Variants in COL25A1 observed in about 807,000 individuals in gnomAD.
COL25A1 encodes collagen alpha-1(XXV) chain.
In COL25A1, 103 loss-of-function variants were observed where a neutral mutation model predicts 128.4. The observed-to-expected ratio is 0.80, with a 90% CI of 0.68 to 0.94. COL25A1 has a LOEUF of 0.94. Among genes scored for constraint, COL25A1 ranks in the 40% least tolerant of loss-of-function variants. COL25A1 has a pLI of 0.00. For missense variants in COL25A1, 745 were observed against 840.0 expected (o/e 0.89, Z 1.40); for synonymous variants, 279 against 277.2 (o/e 1.01, Z -0.06).
intron 6 of COL25A1, among the ~76,000 whole-genome samples, chr4:109,006,399 T>G (rs1377956708): frequency 7.1e-6 from 1 of 140,400 alleles, no homozygotes; most frequent in Non-Finnish European, 1.5e-5. Flanking sequence ...TTTTTTTTTT[T>G]TTTTTTTTTT....
intron 3 of COL25A1, among the ~76,000 whole-genome samples, chr4:109,155,940 A>C (rs944713609): frequency 6.6e-6 from 1 of 152,240 alleles, no homozygotes; most frequent in Admixed American, 6.5e-5. Context: ...TTTGGCACAG[A>C]TCCATAAGAA....
chr4:109,070,335 T>C (rs916506971), intron 3 of COL25A1, among the ~76,000 whole-genome samples: 2 of 150,668 alleles, frequency 1.3e-5, no homozygotes, highest in African/African-American at 4.9e-5. Context: ...TTGATAAGTT[T>C]ATTTCATGTG....
At chr4:109,119,046 A>C (rs1767873717) in intron 3 of COL25A1, among the ~76,000 whole-genome samples, 1 of 151,602 alleles carries the variant, frequency 6.6e-6, no homozygotes, top group Admixed American at 6.6e-5. Flanking sequence ...ATGAAACTGG[A>C]AATCAAAAAC....
chr4:108,990,540 T>C (rs1174327501), intron 6 of COL25A1, among the ~76,000 whole-genome samples: 1 of 151,940 alleles, frequency 6.6e-6, no homozygotes, highest in Non-Finnish European at 1.5e-5. Flanking sequence ...TTAACTTTAA[T>C]ATTGAATTAT....
chr4:109,231,159 T>A (rs1453197352), intron 3 of COL25A1, among the ~76,000 whole-genome samples: 2 of 151,644 alleles, frequency 1.3e-5, no homozygotes, highest in Admixed American at 6.6e-5. Flanking sequence ...AAAAAAATAA[T>A]AATAAATAAA....
intron 23 of COL25A1, 81 bp from the exon 24 acceptor site, chr4:108,859,814 C>G (rs763851240): frequency 2.2e-6 from 2 of 907,062 alleles, no homozygotes; most frequent in Non-Finnish European, 3.6e-6. Context: ...AGAAATACAA[C>G]TCACAGCTCT....
At chr4:109,055,398 C>T (rs531755377) in intron 3 of COL25A1, among the ~76,000 whole-genome samples, 5 of 152,098 alleles carry the variant, frequency 3.3e-5, no homozygotes, top group African/African-American at 4.8e-5. Context: ...ATAAATGATT[C>T]ACGTTTCTGC....
intron 19 of COL25A1, among the ~76,000 whole-genome samples, chr4:108,871,832 C>T (rs985001914): frequency 6.6e-6 from 1 of 152,168 alleles, no homozygotes; most frequent in African/African-American, 2.4e-5. Flanking sequence ...CTCTCTATAT[C>T]TTGGCAGGAT....
At chr4:109,291,930 T>G (rs1159085246) in intron 3 of COL25A1, among the ~76,000 whole-genome samples, 1 of 152,134 alleles carries the variant, frequency 6.6e-6, no homozygotes, top group Non-Finnish European at 1.5e-5. Flanking sequence ...ATTAAAGAGA[T>G]GATATTATAT....
At chr4:108,886,492 G>GTGTGTTTTTT (rs58157157) in intron 18 of COL25A1, among the ~76,000 whole-genome samples, 4,856 of 109,154 alleles carry the variant, frequency 0.044, 280 homozygotes, top group East Asian at 0.14. Flanking sequence ...GTGTGTGTGT[G>GTGTGTTTTTT]TTTAGCTCAT....
At chr4:109,148,062 G>T (rs72670366) in intron 3 of COL25A1, among the ~76,000 whole-genome samples, 2,982 of 152,194 alleles carry the variant, frequency 0.02, 50 homozygotes, top group Non-Finnish European at 0.031. Context: ...GGCCCAGGGA[G>T]TGAAAACTAA....
Position 108,827,100 on chromosome 4 carries a change from G to A in COL25A1, c.1764+35C>T, listed in dbSNP as rs762157192. ...TCAGTGACTGGTCATCTATGCATGC[G>A]GAAGGTGGGGAGGTGCATGTGACCA... On this transcript the variant is annotated intron_variant, in intron 33 of 37. Coordinates refer to ENST00000399132, the MANE Select transcript of COL25A1 (RefSeq NM_198721.4). 8.1e-6 allele frequency: 13 copies of A among 1,600,602 alleles called. No individual in the cohort carries two copies. In the East Asian group the frequency reaches 1.8e-4, roughly 22 times the overall value.
At chr4:109,078,389 T>C (rs1165680488) in intron 3 of COL25A1, among the ~76,000 whole-genome samples, 2 of 152,232 alleles carry the variant, frequency 1.3e-5, no homozygotes, top group African/African-American at 4.8e-5. Flanking sequence ...TTATCTATCA[T>C]AAATCGCCAG....
intron 20 of COL25A1, among the ~76,000 whole-genome samples, chr4:108,865,268 A>G (rs1737748628): frequency 6.6e-6 from 1 of 152,240 alleles, no homozygotes; most frequent in African/African-American, 2.4e-5. Context: ...ATAAGAAAAT[A>G]GAATTAGATC....
At chr4:109,018,038 CTTA>C (rs1757376845) in intron 5 of COL25A1, among the ~76,000 whole-genome samples, 1 of 151,806 alleles carries the variant, frequency 6.6e-6, no homozygotes, top group East Asian at 1.9e-4. Context: ...AGATGTCAAG[CTTA>C]TTTTTTTTTT....
intron 3 of COL25A1, among the ~76,000 whole-genome samples, chr4:109,242,473 T>C (rs1476645051): frequency 6.6e-6 from 1 of 152,090 alleles, no homozygotes; most frequent in Non-Finnish European, 1.5e-5. Flanking sequence ...TGTTTTATGG[T>C]CTGGGAGACT....
At chr4:108,965,506 C>G (rs1751193858) in intron 8 of COL25A1, among the ~76,000 whole-genome samples, 1 of 152,132 alleles carries the variant, frequency 6.6e-6, no homozygotes, top group African/African-American at 2.4e-5. Flanking sequence ...ACATAGTATT[C>G]CATTTTAAAA....
rs1730640273 is a variant in COL25A1 at position 108,809,616 on chromosome 4, A to G, written c.*4311T>C. On this transcript the variant is annotated 3_prime_UTR_variant, in exon 38 of 38. Coordinates refer to ENST00000399132, the MANE Select transcript of COL25A1 (RefSeq NM_198721.4). The stretch of plus-strand genomic sequence containing the variant: ...TATACATTTAAATATTTTGAAATGA[A>G]AAAAGTCATTAAAGTGTTTATTAGT... 6.6e-6 allele frequency: 1 copy of G among 152,104 alleles called. No homozygotes were observed. Among genetic ancestry groups the G allele is most frequent in the Admixed American group, 6.5e-5 (1 of 15,270 alleles). The allele number at this position is 152,104 out of a possible 1,614,324, so 9.4% of individuals were successfully genotyped here. A position where few individuals can be genotyped will look rare whatever the true frequency, so the allele number is the denominator to read the frequency against.
At position 109,128,938 on chromosome 4, in the gene COL25A1, A is replaced by C. The variant is rs533418011; in HGVS notation, c.368-78759T>G. Among the ~76,000 whole-genome samples the C allele has an allele frequency of 7.9e-5, 12 of 152,320 alleles. No individual in the cohort carries two copies. The South Asian group carries it at 2.5e-3, about 32-fold the overall frequency. ...AATATGTGAAACTGGGAACAGAAAA[A>C]GTCAGGAATTTCTGAACTGAAGAGA... On this transcript the variant is annotated intron_variant, in intron 3 of 37. Coordinates refer to ENST00000399132, the MANE Select transcript of COL25A1 (RefSeq NM_198721.4).
Sources: allele counts gnomAD v4.1 joint callset (sites outside exome capture counted in the v4.1 genomes callset), GRCh38; gene constraint gnomAD v4.1.1; transcripts MANE v1.5; gene names NCBI Gene and HGNC (gene_info 2026-07-23, HGNC 2026-07-21).